Variants in SPATA31A3 observed in about 807,000 individuals in gnomAD.
SPATA31A3 encodes spermatogenesis-associated protein 31A3.
For synonymous variants in SPATA31A3, 47 were observed against 419.3 expected (o/e 0.11, Z 10.85); for missense variants, 132 against 1,094.6 (o/e 0.12, Z 12.41).
rs1823245672 is a variant in SPATA31A3 at position 66,987,087 on chromosome 9, C to T, written c.3411G>A (p.Arg1137=). Residue 1137 remains arginine (R), a synonymous_variant, in exon 4 of 4, where the codon AGG becomes AGA. Transcript: ENST00000428649. ...CATCCTGATGGGTGTCTTCTGTTTTCCTGACTGGGGTAAGTTGAGGAGTCC... is the reference window on the plus strand; with the variant it reads ...CATCCTGATGGGTGTCTTCTGTTTTTCTGACTGGGGTAAGTTGAGGAGTCC... The T allele has an allele frequency of 3.9e-6, 5 of 1,295,666 alleles. 1 individual carries two copies. The South Asian group carries it at 4.8e-5, about 12-fold the overall frequency. The allele number at this position is 1,295,666 out of a possible 1,614,324, so 80.3% of individuals were successfully genotyped here. A position where few individuals can be genotyped will look rare whatever the true frequency, so the allele number is the denominator to read the frequency against.
exon 4 of SPATA31A3, chr9:66,988,902 C>A: frequency 2.3e-6 from 1 of 429,604 alleles, no homozygotes; most frequent in South Asian, 2.3e-5. Flanking sequence ...AGAGAGCTTG[C>A]ACTTTATTCT....
intron 1 of SPATA31A3, among the ~76,000 whole-genome samples, chr9:66,991,664 TA>T (rs1823325334): frequency 2.1e-5 from 1 of 48,174 alleles, no homozygotes; most frequent in Non-Finnish European, 3.7e-5. Flanking sequence ...AAAAATAAAA[TA>T]AAATAAAATA....
chr9:66,989,864 CA>C lies in SPATA31A3; in HGVS notation c.633del (p.Asp212IlefsTer23), dbSNP rs2118301379. ...GGAGGCAGAGAGCAGGCCAGAGGAT[CA>C]GGGGTGTGTGGTGGGTGAGGGAAAA... On this transcript the variant is annotated frameshift_variant, in exon 4 of 4. Coordinates refer to ENST00000428649, the Ensembl canonical transcript of SPATA31A3. LOFTEE classifies it low-confidence loss of function (END_TRUNC). 3.1e-6 allele frequency: 5 copies of C among 1,605,850 alleles called. No homozygotes were observed. Among genetic ancestry groups the C allele is most frequent in the East Asian group, 4.5e-5 (2 of 44,504 alleles).
chr9:66,992,031 C>T (rs1326483792), intron 1 of SPATA31A3, among the ~76,000 whole-genome samples: 2 of 7,394 alleles, frequency 2.7e-4, no homozygotes, highest in Non-Finnish European at 5.0e-4. Context: ...AGGGCCTGGT[C>T]TCGGACAGAG....
At chr9:66,986,988 A>T in exon 4 of SPATA31A3, 1 of 1,598,600 alleles carries the variant, frequency 6.3e-7, no homozygotes, top group South Asian at 1.1e-5. Flanking sequence ...TCCACTGAAA[A>T]ATTTGCTTGA....
Position 66,989,072 on chromosome 9 carries a change from C to T in SPATA31A3, c.1426G>A (p.Gly476Arg). ...GAAATAAAGGGTTGGCACTCGGGCCCCAGATGGGACAGGGGCTGGGCCTGG... is the reference window on the plus strand; with the variant it reads ...GAAATAAAGGGTTGGCACTCGGGCCTCAGATGGGACAGGGGCTGGGCCTGG... Residue 476 changes from glycine (G) to arginine (R), a missense_variant, in exon 4 of 4, where the codon GGG becomes AGG. Physicochemically the swap from Gly to Arg is moderately radical, Grantham distance 125. Transcript: ENST00000428649. The T allele has an allele frequency of 1.2e-5, 3 of 258,970 alleles. No homozygotes were observed. In the East Asian group the frequency reaches 1.3e-4, roughly 11 times the overall value. 16.0% of individuals were successfully genotyped at this position (258,970 alleles called of 1,614,324 possible).
Position 66,987,587 on chromosome 9 carries a change from G to A in SPATA31A3, c.2911C>T (p.Gln971Ter). ...CCATGCACATCCTCACTTGTGGCTT[G>A]GAGGTTTGCCAGCATACAGGTTTCC... Residue 971 changes from glutamine to a stop codon, truncating the protein, a stop_gained, in exon 4 of 4, where the codon CAA becomes TAA. Transcript: ENST00000428649. LOFTEE classifies it low-confidence loss of function (END_TRUNC). 2 of 556,106 alleles carry A rather than the reference G, an allele frequency of 3.6e-6. No individual in the cohort carries two copies. The highest frequency in any genetic ancestry group is 6.0e-6 in the Non-Finnish European group (2 of 333,960). 34.4% of individuals were successfully genotyped at this position (556,106 alleles called of 1,614,324 possible).
chr9:66,986,596 C>T lies in SPATA31A3; in HGVS notation c.3902G>A (p.Trp1301Ter). 1 of 470,490 alleles carries T rather than the reference C, an allele frequency of 2.1e-6. No homozygotes were observed. Among genetic ancestry groups the T allele is most frequent in the Non-Finnish European group, 3.6e-6 (1 of 279,366 alleles). The allele number at this position is 470,490 out of a possible 1,614,324, so 29.1% of individuals were successfully genotyped here. A position where few individuals can be genotyped will look rare whatever the true frequency, so the allele number is the denominator to read the frequency against. ...CAAGATTTGGGGATGTCGCAGGCCCCATTGCTCATTGTTGCACCGCACACT... is the reference window on the plus strand; with the variant it reads ...CAAGATTTGGGGATGTCGCAGGCCCTATTGCTCATTGTTGCACCGCACACT... Residue 1301 changes from tryptophan (W) to a stop codon, truncating the protein, a stop_gained, in exon 4 of 4, where the codon TGG becomes TAG. Coordinates refer to ENST00000428649, the Ensembl canonical transcript of SPATA31A3. LOFTEE classifies it low-confidence loss of function (END_TRUNC).
At chr9:66,987,455 G>A (rs1206504110) in exon 4 of SPATA31A3, 1 of 1,300,530 alleles carries the variant, frequency 7.7e-7, no homozygotes, top group South Asian at 1.2e-5. Context: ...GCCATTCCAG[G>A]CTCAAATTCA....
Position 66,987,863 on chromosome 9 carries a change from CA to C in SPATA31A3, c.2634del (p.Asp879IlefsTer33). Reference sequence around the variant, plus strand: ...GCCAGAAGACTCTCTGGCATGTGATCAGATGCTTTGGTCAGCACCTGCTTTC... The same window carrying C: ...GCCAGAAGACTCTCTGGCATGTGATCGATGCTTTGGTCAGCACCTGCTTTC... On this transcript the variant is annotated frameshift_variant, in exon 4 of 4. Transcript: ENST00000428649. LOFTEE classifies it low-confidence loss of function (END_TRUNC). 2.0e-6 allele frequency: 1 copy of C among 509,506 alleles called. No individual in the cohort carries two copies. The highest frequency in any genetic ancestry group is 3.3e-6 in the Non-Finnish European group (1 of 304,430). The allele number at this position is 509,506 out of a possible 1,614,324, so 31.6% of individuals were successfully genotyped here. A position where few individuals can be genotyped will look rare whatever the true frequency, so the allele number is the denominator to read the frequency against.
chr9:66,991,048 C>A, intron 2 of SPATA31A3, 26 bp downstream of exon 2: 2 of 1,557,044 alleles, frequency 1.3e-6, no homozygotes, highest in South Asian at 1.1e-5. Context: ...TCAAATTAAC[C>A]CTAGTGTGCT....
In SPATA31A3 at chr9:66,987,005, C is replaced by A; in HGVS notation, c.3493G>T (p.Glu1165Ter). The change falls in exon 4 of 4, where the codon GAA becomes TAA. Residue 1165 changes from glutamate to a stop codon, truncating the protein, a stop_gained. Coordinates refer to ENST00000428649, the Ensembl canonical transcript of SPATA31A3. LOFTEE classifies it low-confidence loss of function (END_TRUNC). ...CACTGAAAAATTTGCTTGATGTTTT[C>A]TCCAAAGGGGCTTACTGAAGGAGGC... The A allele has an allele frequency of 6.3e-7, 1 of 1,595,084 alleles. No individual in the cohort carries two copies. The highest frequency in any genetic ancestry group is 1.1e-5 in the South Asian group (1 of 90,208).
At chr9:66,991,368 GA>G (rs1262208214) in intron 1 of SPATA31A3, among the ~76,000 whole-genome samples, 1 of 127,652 alleles carries the variant, frequency 7.8e-6, no homozygotes, top group East Asian at 2.3e-4. Context: ...AAAACAGCAA[GA>G]GGGGGCTGGG....
At chr9:66,988,668 G>A (rs1290976328) in exon 4 of SPATA31A3, 2 of 1,160,502 alleles carry the variant, frequency 1.7e-6, no homozygotes, top group Non-Finnish European at 2.4e-6. Flanking sequence ...GGTTGCCCCA[G>A]TGTTGGATGA....
Position 66,992,471 on chromosome 9 carries a change from GTT to G in SPATA31A3, c.49_50del (p.Asn17ArgfsTer35). The G allele has an allele frequency of 1.6e-5, 5 of 314,594 alleles. No individual in the cohort carries two copies. The highest frequency in any genetic ancestry group is 6.8e-4 in the Middle Eastern group (1 of 1,462). 19.5% of individuals were successfully genotyped at this position (314,594 alleles called of 1,614,324 possible). A position where few individuals can be genotyped will look rare whatever the true frequency, so the allele number is the denominator to read the frequency against. ...ACACCCATGGTGTGGAACTGGGGGC[GTT>G]TAGCGATGAGGCACTAAGTAATTTT... On this transcript the variant is annotated frameshift_variant, in exon 1 of 4. Transcript: ENST00000428649. LOFTEE classifies it high-confidence loss of function.
exon 4 of SPATA31A3, chr9:66,988,550 C>T (rs1480867069): frequency 1.6e-6 from 2 of 1,256,092 alleles, no homozygotes; most frequent in African/African-American, 3.4e-5. Flanking sequence ...CTGCTTTCAC[C>T]TGTGGACATG....
rs777244359 is a variant in SPATA31A3, at chr9:66,987,295, G to A, written c.3203C>T (p.Ala1068Val). 21 of 1,267,834 alleles carry A rather than the reference G, an allele frequency of 1.7e-5. 1 individual carries two copies. In the East Asian group the frequency reaches 4.1e-4, roughly 25 times the overall value. The allele number at this position is 1,267,834 out of a possible 1,614,324, so 78.5% of individuals were successfully genotyped here. ...CATGAGGTCATGTAGCTCCTGGGAA[G>A]CCCGCATGTTCCCAGTAGGCATGCT... Residue 1068 changes from alanine to valine, a missense_variant, in exon 4 of 4, where the codon GCT becomes GTT. Ala to Val is a moderately conservative substitution (Grantham distance 64). Coordinates refer to ENST00000428649, the Ensembl canonical transcript of SPATA31A3.
exon 4 of SPATA31A3, chr9:66,990,112 C>T (rs1351211545): frequency 6.2e-7 from 1 of 1,612,986 alleles, no homozygotes; most frequent in Non-Finnish European, 8.5e-7. Flanking sequence ...ATCAGGTGCT[C>T]TTTCGCCCAC....
Position 66,990,034 on chromosome 9 carries a change from G to A in SPATA31A3, c.464C>T (p.Pro155Leu), listed in dbSNP as rs376712024. The A allele has an allele frequency of 4.7e-5, 76 of 1,613,802 alleles. No homozygotes were observed. The highest frequency in any genetic ancestry group is 1.7e-4 in the Admixed American group (10 of 60,014). ...CTGAGGATGCTTGGCTTGAGGATCCGGGGAAGCTAACAGGGAGAGAATGGG... is the reference window on the plus strand; with the variant it reads ...CTGAGGATGCTTGGCTTGAGGATCCAGGGAAGCTAACAGGGAGAGAATGGG... Residue 155 changes from proline (P) to leucine (L), a missense_variant, in exon 4 of 4, where the codon CCG becomes CTG. Coordinates refer to ENST00000428649, the Ensembl canonical transcript of SPATA31A3.
Sources: gnomAD v4.1 joint callset for allele counts (sites outside exome capture counted in the v4.1 genomes callset) on GRCh38, gnomAD v4.1.1 for gene constraint, MANE v1.5 for transcripts, NCBI Gene and HGNC (gene_info 2026-07-23, HGNC 2026-07-21) for gene names.